The following USH2A variants were observed in gnomAD, a reference collection of about 807,000 sequenced individuals.
USH2A encodes Usher syndrome 2A (autosomal recessive, mild).
USH2A carries 443 observed loss-of-function variants against 538.9 expected under a neutral mutation model. The observed-to-expected ratio is 0.82, with a 90% confidence interval of 0.76 to 0.89. The LOEUF (loss-of-function observed/expected upper bound fraction) is 0.89. Among genes scored for constraint, USH2A ranks in the 40% least tolerant of loss-of-function variants. The pLI is 0.00. For missense variants in USH2A, 6,633 were observed against 6,324.8 expected (o/e 1.05, Z -1.65); for synonymous variants, 2,413 against 2,273.5 (o/e 1.06, Z -1.75).
chr1:216,237,494 TAA>T (rs59074625), intron 13 of USH2A, among the ~76,000 whole-genome samples: 20 of 114,270 alleles, frequency 1.8e-4, no homozygotes, highest in East Asian at 1.7e-3. Context: ...GACTCCGTCT[TAA>T]AAAAAAAAAA....
chr1:216,002,830 A>T (rs1668296319), intron 32 of USH2A, among the ~76,000 whole-genome samples: 1 of 152,154 alleles, frequency 6.6e-6, no homozygotes, highest in Admixed American at 6.5e-5. Context: ...CATGGTACAG[A>T]CTTGCATATC....
At chr1:216,028,263 C>A (rs921162803) in intron 32 of USH2A, among the ~76,000 whole-genome samples, 14 of 152,000 alleles carry the variant, frequency 9.2e-5, no homozygotes, top group Non-Finnish European at 1.8e-4. Context: ...TGGTGCATGC[C>A]TGTAATCGCA....
intron 3 of USH2A, among the ~76,000 whole-genome samples, chr1:216,402,289 A>T (rs2102761809): frequency 6.6e-6 from 1 of 152,274 alleles, no homozygotes; most frequent in East Asian, 1.9e-4. Flanking sequence ...TTTGAAACTA[A>T]ACAATACATC....
At chr1:216,304,520 C>G (rs182276867) in intron 9 of USH2A, among the ~76,000 whole-genome samples, 1 of 152,004 alleles carries the variant, frequency 6.6e-6, no homozygotes, top group East Asian at 1.9e-4. Flanking sequence ...TTAGCAATCT[C>G]AGCATACTTT....
At chr1:215,732,751 C>T (rs1022221020) in intron 60 of USH2A, among the ~76,000 whole-genome samples, 3 of 151,608 alleles carry the variant, frequency 2.0e-5, no homozygotes, top group Non-Finnish European at 4.4e-5. Flanking sequence ...CTGTGTTAGC[C>T]AGGATGGTCT....
chr1:215,952,061 T>G (rs183917549), intron 37 of USH2A, among the ~76,000 whole-genome samples: 4,705 of 151,142 alleles, frequency 0.031, 118 homozygotes, highest in South Asian at 0.079. Flanking sequence ...AGACGGGGTT[T>G]CACCTTGTTA....
At chr1:216,212,905 T>A (rs552211061) in intron 15 of USH2A, among the ~76,000 whole-genome samples, 1 of 152,222 alleles carries the variant, frequency 6.6e-6, no homozygotes, top group African/African-American at 2.4e-5. Context: ...ATGGGAAAAT[T>A]ACTTCTATCT....
At chr1:215,645,345 C>G (rs1275307837) in intron 67 of USH2A, among the ~76,000 whole-genome samples, 1 of 152,108 alleles carries the variant, frequency 6.6e-6, no homozygotes, top group Admixed American at 6.5e-5. Flanking sequence ...AGAGTAATTA[C>G]TGCACTTACT....
chr1:216,254,808 A>G (rs1374847628), intron 11 of USH2A, among the ~76,000 whole-genome samples: 2 of 152,208 alleles, frequency 1.3e-5, no homozygotes, highest in Admixed American at 6.5e-5. Flanking sequence ...GAGGTTGGAC[A>G]AGCCAGTGCA....
intron 41 of USH2A, among the ~76,000 whole-genome samples, chr1:215,886,172 C>T (rs144847232): frequency 1.1e-3 from 175 of 152,312 alleles, no homozygotes; most frequent in African/African-American, 3.9e-3. Flanking sequence ...CCTGGAACAA[C>T]CCTCTATGAT....
rs1192238849 is a variant in USH2A, at chr1:216,089,145, G to C, written c.4759-6C>G. On this transcript the variant is annotated splice_polypyrimidine_tract_variant and splice_region_variant and intron_variant, in intron 22 of 71. Transcript: ENST00000307340. ...GTTACTTCCACTGGTGACCCCTTAAGGGAATGAATGAATAAATAAATGTTT... is the reference window on the plus strand; with the variant it reads ...GTTACTTCCACTGGTGACCCCTTAACGGAATGAATGAATAAATAAATGTTT... The C allele has an allele frequency of 3.1e-6, 5 of 1,611,450 alleles. No individual in the cohort carries two copies. The highest frequency in any genetic ancestry group is 4.2e-6 in the Non-Finnish European group (5 of 1,178,174).
chr1:216,313,625 C>T (rs539271490), intron 9 of USH2A, among the ~76,000 whole-genome samples: 14 of 152,134 alleles, frequency 9.2e-5, no homozygotes, highest in Non-Finnish European at 1.9e-4. Context: ...ACAATTCCTT[C>T]CTTCACACCA....
chr1:216,135,769 T>C (rs2033474306), intron 21 of USH2A, among the ~76,000 whole-genome samples: 1 of 152,156 alleles, frequency 6.6e-6, no homozygotes, highest in South Asian at 2.1e-4. Flanking sequence ...CATCTTAATA[T>C]GTTAAGCCTT....
chr1:215,780,391 T>C (rs1032511942), intron 54 of USH2A, among the ~76,000 whole-genome samples: 1 of 152,194 alleles, frequency 6.6e-6, no homozygotes, highest in African/African-American at 2.4e-5. Flanking sequence ...CCCATCAGTG[T>C]CTTTGCATTT....
At chr1:216,018,622 C>T (rs1031339562) in intron 32 of USH2A, among the ~76,000 whole-genome samples, 4 of 152,084 alleles carry the variant, frequency 2.6e-5, no homozygotes, top group Admixed American at 2.6e-4. Flanking sequence ...CACACATTTA[C>T]AGGGGGGATT....
At chr1:215,860,708 T>C (rs11120677) in intron 44 of USH2A, among the ~76,000 whole-genome samples, 18,252 of 152,188 alleles carry the variant, frequency 0.12, 1,378 homozygotes, top group African/African-American at 0.2. Flanking sequence ...TTTGACACTT[T>C]ACAAAAAAAG....
intron 71 of USH2A, among the ~76,000 whole-genome samples, chr1:215,627,444 C>G (rs1656087158): frequency 8.5e-6 from 1 of 117,710 alleles, no homozygotes; most frequent in African/African-American, 3.1e-5. Flanking sequence ...TTCCTTCCTT[C>G]CTTCCTTCCT....
intron 61 of USH2A, among the ~76,000 whole-genome samples, chr1:215,698,719 A>G (rs965098564): frequency 6.6e-6 from 1 of 152,182 alleles, no homozygotes; most frequent in African/African-American, 2.4e-5. Flanking sequence ...GATTCTGGAT[A>G]TTAGCCCTTT....
At chr1:215,785,768 C>T (rs1022491516) in intron 52 of USH2A, among the ~76,000 whole-genome samples, 3 of 152,234 alleles carry the variant, frequency 2.0e-5, no homozygotes, top group South Asian at 4.1e-4. Flanking sequence ...TAGTAGCCTG[C>T]CTTACTTTCT....
Sources: gnomAD v4.1 joint callset for allele counts (sites outside exome capture counted in the v4.1 genomes callset) on GRCh38, gnomAD v4.1.1 for gene constraint, MANE v1.5 for transcripts, NCBI Gene and HGNC (gene_info 2026-07-23, HGNC 2026-07-21) for gene names.